The following CUL3 variants were observed in gnomAD, a reference collection of about 807,000 sequenced individuals.
CUL3 encodes cullin-3.
Under a neutral mutation model 89.1 loss-of-function variants are expected in CUL3, and 19 were observed. The ratio of observed to expected loss-of-function variants is 0.21; its 90% CI spans 0.15 to 0.31. The LOEUF (loss-of-function observed/expected upper bound fraction) is 0.31. Ranked by LOEUF, CUL3 falls within the 10% of genes least tolerant of loss-of-function variation. The probability of loss-of-function intolerance (pLI) is 1.00; values close to 1 mark genes in which losing one functional copy is unlikely to be tolerated. For synonymous variants in CUL3, 351 were observed against 308.4 expected (o/e 1.14, Z -1.45); for missense variants, 469 against 942.3 (o/e 0.50, Z 6.58).
Position 224,585,231 on chromosome 2 carries a change from G to C in CUL3, c.-222C>G. 2 of 388,164 alleles carry C rather than the reference G, an allele frequency of 5.2e-6. No individual in the cohort carries two copies. The highest frequency in any genetic ancestry group is 9.0e-6 in the Non-Finnish European group (2 of 221,998). 24.0% of individuals were successfully genotyped at this position (388,164 alleles called of 1,614,324 possible). A position where few individuals can be genotyped will look rare whatever the true frequency, so the allele number is the denominator to read the frequency against. ...CTCTGGCGACTCCGATGCGGCTGGGGGGCTGCGCTGGCGCGGCGGCTCCGC... is the reference window on the plus strand; with the variant it reads ...CTCTGGCGACTCCGATGCGGCTGGGCGGCTGCGCTGGCGCGGCGGCTCCGC... On this transcript the variant is annotated 5_prime_UTR_variant, in exon 1 of 16. Transcript: ENST00000264414.
chr2:224,580,356 A>C (rs1354817702), intron 1 of CUL3, among the ~76,000 whole-genome samples: 3 of 152,230 alleles, frequency 2.0e-5, no homozygotes, highest in Admixed American at 6.5e-5. Context: ...TGTGTATTAT[A>C]ACTTCTACAG....
chr2:224,583,126 C>G (rs1695481450), intron 1 of CUL3, among the ~76,000 whole-genome samples: 3 of 152,154 alleles, frequency 2.0e-5, no homozygotes, highest in African/African-American at 7.2e-5. Context: ...CTCCTGTAAT[C>G]CCAGCACTTT....
chr2:224,529,716 C>G (rs1426016514), intron 3 of CUL3, among the ~76,000 whole-genome samples: 2 of 152,062 alleles, frequency 1.3e-5, no homozygotes, highest in Non-Finnish European at 2.9e-5. Context: ...AAGTCTCAAG[C>G]ATTAGGAAGG....
chr2:224,548,567 GTTAT>G (rs1386110381), intron 2 of CUL3, among the ~76,000 whole-genome samples: 2 of 152,120 alleles, frequency 1.3e-5, no homozygotes, highest in African/African-American at 4.8e-5. Context: ...AGGTTACCAT[GTTAT>G]TTGATTATTA....
intron 1 of CUL3, among the ~76,000 whole-genome samples, chr2:224,558,861 T>TGAAAC: frequency 2.6e-5 from 2 of 77,218 alleles, no homozygotes; most frequent in Non-Finnish European, 2.6e-5. Flanking sequence ...GCTAATACGG[T>TGAAAC]CTCTACTAAA....
At chr2:224,549,146 A>G (rs549951596) in intron 2 of CUL3, among the ~76,000 whole-genome samples, 6 of 152,006 alleles carry the variant, frequency 3.9e-5, no homozygotes, top group South Asian at 2.1e-4. Flanking sequence ...GCAAAACACC[A>G]TATTTACTAA....
intron 1 of CUL3, among the ~76,000 whole-genome samples, chr2:224,567,464 G>A (rs1695070117): frequency 6.6e-6 from 1 of 152,104 alleles, no homozygotes; most frequent in Admixed American, 6.5e-5. Flanking sequence ...CTTCGGCCGG[G>A]CACGGTGGCT....
Position 224,470,711 on chromosome 2 carries a change from C to T in CUL3, c.*3534G>A, listed in dbSNP as rs1293468414. The stretch of plus-strand genomic sequence containing the variant: ...ATTCCAGAATAGCAGCAATCACCTT[C>T]CCTGTTTTCCTTCCTACCAAAAGTT... On this transcript the variant is annotated 3_prime_UTR_variant, in exon 16 of 16. Transcript: ENST00000264414. 1 of 231,464 alleles carries T rather than the reference C, an allele frequency of 4.3e-6. No individual in the cohort carries two copies. Among genetic ancestry groups the T allele is most frequent in the African/African-American group, 2.2e-5 (1 of 44,992 alleles). 14.3% of individuals were successfully genotyped at this position (231,464 alleles called of 1,614,324 possible).
chr2:224,517,224 C>A (rs1693089073), intron 3 of CUL3, among the ~76,000 whole-genome samples: 1 of 152,130 alleles, frequency 6.6e-6, no homozygotes, highest in African/African-American at 2.4e-5. Flanking sequence ...TGATCAAAAA[C>A]ACTATCTGAA....
intron 1 of CUL3, among the ~76,000 whole-genome samples, chr2:224,567,897 C>T (rs891314917): frequency 2.0e-5 from 3 of 152,142 alleles, no homozygotes; most frequent in Non-Finnish European, 2.9e-5. Context: ...ATAGTAGGCA[C>T]AGACCTAGTT....
At chr2:224,490,351 C>G (rs1691913860) in intron 13 of CUL3, among the ~76,000 whole-genome samples, 1 of 152,186 alleles carries the variant, frequency 6.6e-6, no homozygotes, top group Admixed American at 6.5e-5. Flanking sequence ...GGCTGCCAAA[C>G]AGGGAAGGGC....
chr2:224,478,450 G>C, intron 14 of CUL3, 105 bp from the exon 15 acceptor site: 2 of 1,042,378 alleles, frequency 1.9e-6, no homozygotes, highest in Non-Finnish European at 2.7e-6. Context: ...ACCAATTTCA[G>C]CCTCTGAATA....
chr2:224,474,540 AT>A (rs1222091743), intron 15 of CUL3, 164 bp from the exon 16 acceptor site: 2 of 597,050 alleles, frequency 3.3e-6, no homozygotes, highest in African/African-American at 1.8e-5. Flanking sequence ...AAAATGTAAT[AT>A]TATGGTTACA....
rs757797000 is a variant in CUL3, at chr2:224,503,712, T to C, written c.1317A>G (p.Arg439=). 6.2e-7 allele frequency: 1 copy of C among 1,604,856 alleles called. No homozygotes were observed. ...ERYYKQHLAR[R]LLTNKSVSDD... ...CAGAAACACTTTTATTTGTGAGAAG[T>C]CTCCTTGCCAAGTGTTGTTTATAAT... The change falls in exon 9 of 16, where the codon AGA becomes AGG. Residue 439 remains arginine (R), a synonymous_variant. Transcript: ENST00000264414.
intron 15 of CUL3, among the ~76,000 whole-genome samples, chr2:224,476,613 C>A (rs1458244079): frequency 1.3e-5 from 2 of 152,184 alleles, no homozygotes; most frequent in African/African-American, 4.8e-5. Context: ...TACACCAAAT[C>A]TTGCTTAGCA....
intron 1 of CUL3, chr2:224,563,152 T>G: frequency 2.3e-6 from 1 of 440,978 alleles, no homozygotes; most frequent in Non-Finnish European, 4.6e-6. Context: ...AGATATGAGC[T>G]AAAACAAAGG....
At chr2:224,557,579 T>C in intron 2 of CUL3, 80 bp downstream of exon 2, 1 of 971,206 alleles carries the variant, frequency 1.0e-6, no homozygotes, top group Non-Finnish European at 1.5e-6. Context: ...AAAAGAACAC[T>C]TCCGGTCAAA....
intron 1 of CUL3, among the ~76,000 whole-genome samples, chr2:224,576,153 C>G (rs1458141144): frequency 1.3e-5 from 2 of 152,176 alleles, no homozygotes; most frequent in Non-Finnish European, 2.9e-5. Context: ...TAAACCACAT[C>G]TGGGCCCAAT....
intron 1 of CUL3, among the ~76,000 whole-genome samples, chr2:224,566,520 T>G (rs145530866): frequency 6.6e-6 from 1 of 152,232 alleles, no homozygotes; most frequent in Non-Finnish European, 1.5e-5. Flanking sequence ...TAGGGCACTT[T>G]TGTCTACATC....
Sources: gnomAD v4.1 joint callset for allele counts (sites outside exome capture counted in the v4.1 genomes callset) on GRCh38, gnomAD v4.1.1 for gene constraint, MANE v1.5 for transcripts, NCBI Gene and HGNC (gene_info 2026-07-23, HGNC 2026-07-21) for gene names.